The following ADGRV1 variants were observed in gnomAD, a reference collection of about 807,000 sequenced individuals.
ADGRV1 encodes adhesion G protein-coupled receptor V1.
ADGRV1 carries 359 observed loss-of-function variants against 596.2 expected under a neutral mutation model. That is an observed-to-expected ratio of 0.60 (90% CI 0.55 to 0.66). ADGRV1 has a LOEUF of 0.66. Among genes scored for constraint, ADGRV1 ranks in the 30% least tolerant of loss-of-function variants. The pLI is 0.00. For missense variants in ADGRV1, 7,274 were observed against 7,575.6 expected (o/e 0.96, Z 1.48); for synonymous variants, 2,681 against 2,679.2 (o/e 1.00, Z -0.02).
chr5:90,795,673 G>A (rs925618607), intron 70 of ADGRV1, among the ~76,000 whole-genome samples: 6 of 152,194 alleles, frequency 3.9e-5, no homozygotes, highest in African/African-American at 1.4e-4. Flanking sequence ...CTCCTCAAGT[G>A]GATCCCTGAC....
chr5:90,986,714 A>G (rs1780529160), intron 85 of ADGRV1, among the ~76,000 whole-genome samples: 1 of 152,208 alleles, frequency 6.6e-6, no homozygotes, highest in Admixed American at 6.5e-5. Context: ...TATTCCTATA[A>G]TCTTCTAAAA....
At chr5:90,713,908 C>T (rs1012439118) in intron 42 of ADGRV1, among the ~76,000 whole-genome samples, 8 of 152,118 alleles carry the variant, frequency 5.3e-5, no homozygotes, top group African/African-American at 1.9e-4. Flanking sequence ...TTCCTCAGAG[C>T]AAAAAGTGCT....
At position 90,933,042 on chromosome 5, in the gene ADGRV1, A is replaced by G. The variant is rs140809168; in HGVS notation, c.17857-32373A>G. On this transcript the variant is annotated intron_variant, in intron 83 of 89. Coordinates refer to ENST00000405460, the MANE Select transcript of ADGRV1 (RefSeq NM_032119.4). The stretch of plus-strand genomic sequence containing the variant: ...CTCTGAAGACTTTTAATGAACTTCA[A>G]ATTGAAAGTGGTTGGTTTACTTAAA... Among the ~76,000 whole-genome samples the G allele has an allele frequency of 2.8e-3, 427 of 152,282 alleles. 3 individuals carry two copies. Among genetic ancestry groups the G allele is most frequent in the Admixed American group, 7.8e-3 (119 of 15,296 alleles).
chr5:90,635,016 C>T lies in ADGRV1; in HGVS notation c.1840-98C>T, dbSNP rs1343703453. ...AACATTGCGAAGTTATTGGTGACCT[C>T]TACCTACGCTTACTTTGTCACCCCA... On this transcript the variant is annotated intron_variant, in intron 9 of 89. Transcript: ENST00000405460. 1.7e-5 allele frequency: 12 copies of T among 694,370 alleles called. No individual in the cohort carries two copies. The Admixed American group carries it at 2.9e-4, about 17-fold the overall frequency. 43.0% of individuals were successfully genotyped at this position (694,370 alleles called of 1,614,324 possible).
At chr5:90,694,795 AT>A (rs1367118146) in intron 33 of ADGRV1, 94 bp downstream of exon 33, 18 of 1,143,242 alleles carry the variant, frequency 1.6e-5, no homozygotes, top group Non-Finnish European at 2.2e-5. Context: ...TACTGTGTAC[AT>A]TCTTGTTAAT....
intron 85 of ADGRV1, among the ~76,000 whole-genome samples, chr5:91,042,194 A>C (rs1427297174): frequency 1.3e-5 from 2 of 152,196 alleles, no homozygotes; most frequent in African/African-American, 4.8e-5. Context: ...CATGATGAAA[A>C]GATTGTGGTT....
At chr5:90,824,678 C>T (rs189094858) in intron 76 of ADGRV1, among the ~76,000 whole-genome samples, 113 of 152,318 alleles carry the variant, frequency 7.4e-4, no homozygotes, top group African/African-American at 2.7e-3. Flanking sequence ...CCTCAATAGG[C>T]TCTTGGAAAC....
At chr5:90,836,629 T>C (rs1764994195) in intron 77 of ADGRV1, among the ~76,000 whole-genome samples, 1 of 152,190 alleles carries the variant, frequency 6.6e-6, no homozygotes, top group South Asian at 2.1e-4. Flanking sequence ...AGAATTCTTA[T>C]GGGGATGAAA....
chr5:90,784,874 C>A (rs1759257117), intron 67 of ADGRV1, among the ~76,000 whole-genome samples: 1 of 152,160 alleles, frequency 6.6e-6, no homozygotes, highest in African/African-American at 2.4e-5. Flanking sequence ...AATGCCATCC[C>A]CATCAAGCTA....
chr5:90,745,355 A>G, intron 51 of ADGRV1, 90 bp downstream of exon 51: 1 of 843,288 alleles, frequency 1.2e-6, no homozygotes, highest in Non-Finnish European at 1.8e-6. Flanking sequence ...GTGACTGAAA[A>G]ATATACAAAA....
intron 83 of ADGRV1, among the ~76,000 whole-genome samples, chr5:90,891,957 A>G (rs917322975): frequency 1.3e-5 from 2 of 151,964 alleles, no homozygotes; most frequent in African/African-American, 4.8e-5. Flanking sequence ...TTTAGTCTCT[A>G]TTGAAAAGTT....
intron 85 of ADGRV1, among the ~76,000 whole-genome samples, chr5:91,060,611 T>C (rs1248897771): frequency 6.6e-6 from 1 of 152,134 alleles, no homozygotes; most frequent in Non-Finnish European, 1.5e-5. Flanking sequence ...CAAAGAAATG[T>C]ATAGTGTATT....
chr5:90,591,355 C>T (rs1236843786), intron 1 of ADGRV1, among the ~76,000 whole-genome samples: 1 of 151,922 alleles, frequency 6.6e-6, no homozygotes, highest in African/African-American at 2.4e-5. Context: ...GAGATCACAC[C>T]ACTGCACTCC....
intron 22 of ADGRV1, among the ~76,000 whole-genome samples, chr5:90,673,720 A>G (rs1179888386): frequency 2.6e-5 from 4 of 151,856 alleles, no homozygotes; most frequent in African/African-American, 9.7e-5. Flanking sequence ...TCAAGCCCTC[A>G]TCACCTCCTG....
intron 50 of ADGRV1, among the ~76,000 whole-genome samples, chr5:90,737,307 T>A (rs1016692775): frequency 6.6e-6 from 1 of 152,062 alleles, no homozygotes; most frequent in Non-Finnish European, 1.5e-5. Context: ...CTTGCTATGC[T>A]TTCAGTGCTC....
At chr5:91,046,196 G>T (rs1419755631) in intron 85 of ADGRV1, among the ~76,000 whole-genome samples, 1 of 151,972 alleles carries the variant, frequency 6.6e-6, no homozygotes, top group African/African-American at 2.4e-5. Context: ...TCAAAAAAGA[G>T]CCTGCAGAGC....
intron 53 of ADGRV1, among the ~76,000 whole-genome samples, chr5:90,752,633 A>G (rs772499551): frequency 6.6e-6 from 1 of 152,094 alleles, no homozygotes; most frequent in Non-Finnish European, 1.5e-5. Flanking sequence ...ACATGATCTC[A>G]TTTTTCTTTT....
At chr5:90,645,709 A>G (rs185746453) in intron 15 of ADGRV1, among the ~76,000 whole-genome samples, 130 of 152,334 alleles carry the variant, frequency 8.5e-4, no homozygotes, top group African/African-American at 3.1e-3. Flanking sequence ...TAGCTTATAT[A>G]AGGCAAAATA....
At chr5:90,894,341 T>A (rs903986487) in intron 83 of ADGRV1, among the ~76,000 whole-genome samples, 1 of 152,222 alleles carries the variant, frequency 6.6e-6, no homozygotes, top group Non-Finnish European at 1.5e-5. Flanking sequence ...CATTCTCTGC[T>A]GTTACTTATC....
Sources: gnomAD v4.1 joint callset for allele counts (sites outside exome capture counted in the v4.1 genomes callset) on GRCh38, gnomAD v4.1.1 for gene constraint, MANE v1.5 for transcripts, NCBI Gene and HGNC (gene_info 2026-07-23, HGNC 2026-07-21) for gene names.